Variants in THADA observed in about 807,000 individuals in gnomAD.
THADA encodes tRNA (32-2'-O)-methyltransferase regulator THADA.
In THADA, 213 loss-of-function variants were observed where a neutral mutation model predicts 219.8. That is an observed-to-expected ratio of 0.97 (90% CI 0.87 to 1.09). The LOEUF is 1.09. THADA is among the 50% of genes least tolerant of loss of function. The pLI, the probability that THADA is intolerant of heterozygous loss-of-function variation, is 0.00. For missense variants in THADA, 2,956 were observed against 2,311.3 expected (o/e 1.28, Z -5.72); for synonymous variants, 1,018 against 828.9 (o/e 1.23, Z -3.92).
intron 22 of THADA, among the ~76,000 whole-genome samples, chr2:43,516,762 A>G (rs1411932874): frequency 6.6e-6 from 1 of 152,126 alleles, no homozygotes; most frequent in African/African-American, 2.4e-5. Context: ...GATCTGGCTC[A>G]TGATGAAAAT....
chr2:43,500,021 A>C (rs995226011), intron 24 of THADA, among the ~76,000 whole-genome samples: 1 of 152,164 alleles, frequency 6.6e-6, no homozygotes, highest in Non-Finnish European at 1.5e-5. Flanking sequence ...AACCCCTGAC[A>C]TGACTAACCA....
intron 27 of THADA, 53 bp from the exon 28 acceptor site, chr2:43,428,284 C>T (rs1484193125): frequency 6.7e-7 from 1 of 1,502,924 alleles, no homozygotes; most frequent in Non-Finnish European, 9.0e-7. Flanking sequence ...TAGTGAAGCA[C>T]TCCTCCTTCA....
chr2:43,514,050 A>T, intron 22 of THADA, among the ~76,000 whole-genome samples: 1 of 151,376 alleles, frequency 6.6e-6, no homozygotes, highest in Admixed American at 6.6e-5. Context: ...ACACAGTGAG[A>T]CACTGTCCCT....
At chr2:43,439,760 G>C (rs1476941608) in intron 26 of THADA, among the ~76,000 whole-genome samples, 1 of 152,122 alleles carries the variant, frequency 6.6e-6, no homozygotes, top group East Asian at 1.9e-4. Flanking sequence ...GCATCCACTG[G>C]GGGTCTTGAA....
chr2:43,491,624 C>G (rs1687649782), intron 25 of THADA, among the ~76,000 whole-genome samples: 1 of 152,168 alleles, frequency 6.6e-6, no homozygotes. Context: ...GTAGCATACT[C>G]AGTATGATAG....
intron 26 of THADA, among the ~76,000 whole-genome samples, chr2:43,478,411 T>G (rs771183146): frequency 2.0e-5 from 3 of 152,184 alleles, no homozygotes; most frequent in Admixed American, 6.5e-5. Flanking sequence ...TCTACAGGTA[T>G]TGAAGGGGCA....
intron 20 of THADA, among the ~76,000 whole-genome samples, chr2:43,542,974 C>G (rs992662001): frequency 6.6e-6 from 1 of 150,608 alleles, no homozygotes; most frequent in Non-Finnish European, 1.5e-5. Context: ...CCATTAACTA[C>G]TCATTTAGCA....
chr2:43,423,566 G>A (rs1400584358), intron 28 of THADA, among the ~76,000 whole-genome samples: 1 of 151,928 alleles, frequency 6.6e-6, no homozygotes, highest in Non-Finnish European at 1.5e-5. Context: ...TCGAGTAGCT[G>A]GGACTACAGG....
intron 29 of THADA, among the ~76,000 whole-genome samples, chr2:43,349,195 G>C (rs1181292277): frequency 7.2e-5 from 11 of 152,184 alleles, no homozygotes; most frequent in Non-Finnish European, 1.5e-4. Context: ...CACTGCAGGA[G>C]GGTGTCAGTG....
chr2:43,348,503 A>G (rs1667895169), intron 29 of THADA, among the ~76,000 whole-genome samples: 1 of 152,196 alleles, frequency 6.6e-6, no homozygotes. Flanking sequence ...GTTTATACTC[A>G]TCCCCCTTTG....
At chr2:43,391,039 T>A (rs1381528406) in intron 29 of THADA, among the ~76,000 whole-genome samples, 2 of 152,140 alleles carry the variant, frequency 1.3e-5, no homozygotes, top group African/African-American at 4.8e-5. Context: ...CTTGCATAAC[T>A]TTAGTGAAAT....
At chr2:43,313,698 C>T (rs1677762200) in intron 31 of THADA, among the ~76,000 whole-genome samples, 1 of 152,228 alleles carries the variant, frequency 6.6e-6, no homozygotes, top group African/African-American at 2.4e-5. Context: ...CCATAAAAGC[C>T]TGTGACGTGG....
At chr2:43,341,350 G>T (rs951615596) in intron 30 of THADA, among the ~76,000 whole-genome samples, 1 of 152,166 alleles carries the variant, frequency 6.6e-6, no homozygotes, top group South Asian at 2.1e-4. Context: ...AATCAGAAGT[G>T]GGGTGGGGAG....
At chr2:43,254,541 C>T (rs751975006) in intron 36 of THADA, among the ~76,000 whole-genome samples, 6 of 152,114 alleles carry the variant, frequency 3.9e-5, no homozygotes, top group Admixed American at 3.3e-4. Context: ...ACCCTACTCA[C>T]GCACTCGATG....
At position 43,590,860 on chromosome 2, in the gene THADA, A is replaced by T. The variant is rs1223894871; in HGVS notation, c.266T>A (p.Leu89Ter). The T allele has an allele frequency of 6.2e-7, 1 of 1,613,844 alleles. No homozygotes were observed. Residue 89 changes from leucine (L) to a stop codon, truncating the protein, a stop_gained, in exon 4 of 38, where the codon TTG becomes TAG. Transcript: ENST00000405975. LOFTEE classifies it high-confidence loss of function. The part of the protein sequence containing the change: ...LDILAGIYLS[L>*]SLKNPLKKVL... ...TTTCTTCAAGGGATTCTTTAGACTC[A>T]AAGAAAGATAAATGCCTGCTAAGAT... is the stretch of plus-strand genomic sequence containing the variant.
chr2:43,502,981 A>G (rs1196398835), intron 24 of THADA, among the ~76,000 whole-genome samples: 1 of 152,212 alleles, frequency 6.6e-6, no homozygotes, highest in Non-Finnish European at 1.5e-5. Flanking sequence ...AAAAGATGTT[A>G]AAGCTAACTA....
chr2:43,554,539 A>G (rs971315043), intron 17 of THADA, among the ~76,000 whole-genome samples: 1 of 152,220 alleles, frequency 6.6e-6, no homozygotes, highest in African/African-American at 2.4e-5. Context: ...GGAAAAGTAA[A>G]TGGCTTGTAA....
intron 29 of THADA, among the ~76,000 whole-genome samples, chr2:43,357,637 T>A (rs532366864): frequency 9.5e-4 from 145 of 152,252 alleles, no homozygotes; most frequent in African/African-American, 3.4e-3. Flanking sequence ...ACGGGACCAG[T>A]TGAAAAGAGT....
chr2:43,386,116 C>A (rs1177373088), intron 29 of THADA, among the ~76,000 whole-genome samples: 1 of 151,740 alleles, frequency 6.6e-6, no homozygotes, highest in African/African-American at 2.4e-5. Context: ...GGTACCAGTT[C>A]AAGACTATAA....
Sources: gnomAD v4.1 joint callset for allele counts (sites outside exome capture counted in the v4.1 genomes callset) on GRCh38, gnomAD v4.1.1 for gene constraint, MANE v1.5 for transcripts, NCBI Gene and HGNC (gene_info 2026-07-23, HGNC 2026-07-21) for gene names.